Variants in MAPK8 observed in about 807,000 individuals in gnomAD.
MAPK8 encodes the protein JUN N-terminal kinase.
MAPK8 carries 13 observed loss-of-function variants against 52.9 expected under a neutral mutation model. That is an observed-to-expected ratio of 0.25 (90% CI 0.16 to 0.39). The LOEUF is 0.39. Ranked by LOEUF, MAPK8 falls within the 10% of genes least tolerant of loss-of-function variation. The pLI, the probability that MAPK8 is intolerant of heterozygous loss-of-function variation, is 1.00. For missense variants in MAPK8, 300 were observed against 519.2 expected, an observed-to-expected ratio of 0.58 and a Z score of 4.10; for synonymous variants, 191 against 169.8, an observed-to-expected ratio of 1.12 and a Z score of -0.97.
At chr10:48,345,370 T>G (rs1190986520) in intron 1 of MAPK8, among the ~76,000 whole-genome samples, 1 of 152,226 alleles carries the variant, frequency 6.6e-6, no homozygotes, top group Non-Finnish European at 1.5e-5. Flanking sequence ...TTCTTTGACA[T>G]TTTCTGGTAG....
rs113544213 is a variant in MAPK8, at chr10:48,428,860, C to G, written c.1060+1717C>G. Among the ~76,000 whole-genome samples, 629 of 150,236 alleles carry G rather than the reference C, an allele frequency of 4.2e-3. 6 individuals are homozygous for G. The highest frequency in any genetic ancestry group is 0.018 in the East Asian group (89 of 5,082). On this transcript the variant is annotated intron_variant, in intron 10 of 11. Coordinates refer to ENST00000374189, the MANE Select transcript of MAPK8 (RefSeq NM_001323329.2). ...TTTTGAGACAGGGTCTCACTGTGTC[C>G]CCCAGGCTAGAGTGCAGTGGTATGA...
intron 1 of MAPK8, among the ~76,000 whole-genome samples, chr10:48,368,604 G>T (rs2132604401): frequency 6.6e-6 from 1 of 152,288 alleles, no homozygotes; most frequent in African/African-American, 2.4e-5. Flanking sequence ...TGAAGCCTTG[G>T]ATTTTATCTT....
At chr10:48,345,043 A>G (rs879788589) in intron 1 of MAPK8, among the ~76,000 whole-genome samples, 2 of 152,252 alleles carry the variant, frequency 1.3e-5, no homozygotes, top group Non-Finnish European at 2.9e-5. Flanking sequence ...GCAATTTCAA[A>G]AGAAACCAAG....
intron 1 of MAPK8, among the ~76,000 whole-genome samples, chr10:48,326,838 C>A (rs1005932801): frequency 1.3e-5 from 2 of 152,126 alleles, no homozygotes; most frequent in African/African-American, 4.8e-5. Context: ...CAGCACACAC[C>A]ATTTATTTAC....
At chr10:48,314,965 G>A (rs1241775806) in intron 1 of MAPK8, among the ~76,000 whole-genome samples, 3 of 152,160 alleles carry the variant, frequency 2.0e-5, no homozygotes, top group African/African-American at 7.2e-5. Context: ...TGTCTTAACT[G>A]ATTTAAAATG....
intron 1 of MAPK8, among the ~76,000 whole-genome samples, chr10:48,315,847 T>TA (rs1218716456): frequency 6.6e-6 from 1 of 152,076 alleles, no homozygotes; most frequent in African/African-American, 2.4e-5. Flanking sequence ...TATACTCTTA[T>TA]ATTTTTTCTT....
intron 1 of MAPK8, among the ~76,000 whole-genome samples, chr10:48,384,990 AAAG>A (rs1021178802): frequency 2.1e-5 from 3 of 141,658 alleles, no homozygotes; most frequent in African/African-American, 9.1e-5. Context: ...TTAGAGAAAA[AAAG>A]GATGAATCAG....
chr10:48,407,633 A>G (rs938388408), intron 3 of MAPK8, among the ~76,000 whole-genome samples: 2 of 152,126 alleles, frequency 1.3e-5, no homozygotes, highest in African/African-American at 4.8e-5. Context: ...GTGTCATGCA[A>G]TTCACCCATT....
At chr10:48,383,643 G>C (rs1225843251) in intron 1 of MAPK8, among the ~76,000 whole-genome samples, 6 of 151,978 alleles carry the variant, frequency 3.9e-5, no homozygotes, top group Admixed American at 6.6e-5. Context: ...GTGAACTCCA[G>C]CTGGGCATTA....
Position 48,424,113 on chromosome 10 carries a change from T to C in MAPK8, c.642T>C (p.Ile214=), listed in dbSNP as rs1126587. ...TGGATTTATGGTCTGTGGGGTGCAT[T>C]ATGGGAGAAATGGTTTGCCACAAAA... ...ENVDLWSVGC[I]MGEMVCHKIL... is the part of the protein sequence containing the mutation. Residue 214 remains isoleucine, a synonymous_variant, in exon 7 of 12, where the codon ATT becomes ATC. Coordinates refer to ENST00000374189, the MANE Select transcript of MAPK8 (RefSeq NM_001323329.2). The C allele has an allele frequency of 1.2e-6, 2 of 1,613,532 alleles. No individual in the cohort carries two copies. Among genetic ancestry groups the C allele is most frequent in the Non-Finnish European group, 1.7e-6 (2 of 1,179,568 alleles).
rs2043580941 is a variant in MAPK8, at chr10:48,424,868, T to TA, written c.688+710dup. Among the ~76,000 whole-genome samples the TA allele has an allele frequency of 2.0e-5, 3 of 152,118 alleles. No homozygotes were observed. In the South Asian group the frequency reaches 6.2e-4, roughly 31 times the overall value. Reference sequence around the variant, plus strand: ...GCTTGCATTAAAAATTTATAATAATTATACACTTAAGTCTAGAAATACGTA... The same window carrying TA: ...GCTTGCATTAAAAATTTATAATAATTAATACACTTAAGTCTAGAAATACGTA... On this transcript the variant is annotated intron_variant, in intron 7 of 11. Coordinates refer to ENST00000374189, the MANE Select transcript of MAPK8 (RefSeq NM_001323329.2).
Position 48,404,867 on chromosome 10 carries a change from C to T in MAPK8, c.138C>T (p.Ala46=). ...CTTATTACAGCGCAGCTTATGATGC[C>T]ATTCTTGAAAGAAATGTTGCAATCA... ...AQGIVCAAYD[A]ILERNVAIKK... Residue 46 remains alanine (A), a synonymous_variant, in exon 3 of 12, where the codon GCC becomes GCT. Coordinates refer to ENST00000374189, the MANE Select transcript of MAPK8 (RefSeq NM_001323329.2). 6 of 1,600,890 alleles carry T rather than the reference C, an allele frequency of 3.7e-6. No homozygotes were observed. Among genetic ancestry groups the T allele is most frequent in the Non-Finnish European group, 5.1e-6 (6 of 1,174,820 alleles).
chr10:48,420,227 A>G lies in MAPK8; in HGVS notation c.523A>G (p.Thr175Ala). The G allele has an allele frequency of 6.2e-7, 1 of 1,613,964 alleles. No individual in the cohort carries two copies. The highest frequency in any genetic ancestry group is 1.1e-5 in the South Asian group (1 of 91,078). The change falls in exon 6 of 12, where the codon ACT becomes GCT. Residue 175 changes from threonine to alanine, a missense_variant. Transcript: ENST00000374189. ...LKILDFGLAR[T>A]AGTSFMMTPY... ...GATTCTTGACTTCGGTCTGGCCAGG[A>G]CTGCAGGAACGAGTTTTATGATGAC...
chr10:48,310,735 G>T (rs1410916702), intron 1 of MAPK8, among the ~76,000 whole-genome samples: 1 of 150,184 alleles, frequency 6.7e-6, no homozygotes, highest in Non-Finnish European at 1.5e-5. Flanking sequence ...AAAATTGTGT[G>T]TGTGTGTGTG....
chr10:48,317,872 G>A (rs1161456033), intron 1 of MAPK8, among the ~76,000 whole-genome samples: 1 of 152,138 alleles, frequency 6.6e-6, no homozygotes, highest in African/African-American at 2.4e-5. Flanking sequence ...TTGCCAAGAA[G>A]TATTGATTGT....
At chr10:48,427,889 T>TATA (rs1313897554) in intron 10 of MAPK8, among the ~76,000 whole-genome samples, 1 of 152,254 alleles carries the variant, frequency 6.6e-6, no homozygotes, top group African/African-American at 2.4e-5. Context: ...TGTCACACTT[T>TATA]ATATATCCAT....
intron 1 of MAPK8, among the ~76,000 whole-genome samples, chr10:48,393,083 C>T (rs1312344122): frequency 6.6e-6 from 1 of 151,990 alleles, no homozygotes; most frequent in Non-Finnish European, 1.5e-5. Flanking sequence ...CATCTTTCTC[C>T]AGTTGCTCAT....
At chr10:48,334,938 C>T (rs919912524) in intron 1 of MAPK8, among the ~76,000 whole-genome samples, 8 of 152,282 alleles carry the variant, frequency 5.3e-5, no homozygotes, top group Middle Eastern at 3.4e-3. Context: ...TCTTCCCAGA[C>T]GTTGCCTAAG....
chr10:48,361,077 C>T (rs912980806), intron 1 of MAPK8, among the ~76,000 whole-genome samples: 2 of 151,720 alleles, frequency 1.3e-5, no homozygotes, highest in African/African-American at 4.8e-5. Context: ...TAACCAAAAT[C>T]GATAAAAAGA....
Sources: gnomAD v4.1 joint callset for allele counts (sites outside exome capture counted in the v4.1 genomes callset) on GRCh38, gnomAD v4.1.1 for gene constraint, MANE v1.5 for transcripts, NCBI Gene and HGNC (gene_info 2026-07-23, HGNC 2026-07-21) for gene names.